The following MPDZ variants were observed in gnomAD, a reference collection of about 807,000 sequenced individuals.
MPDZ encodes multiple PDZ domain crumbs cell polarity complex component, also known as multiple PDZ domain protein.
Under a neutral mutation model 239.1 loss-of-function variants are expected in MPDZ, and 234 were observed. That is an observed-to-expected ratio of 0.98 (90% CI 0.88 to 1.09). The LOEUF is 1.09. MPDZ is among the 50% of genes least tolerant of loss of function. The pLI is 0.00. For missense variants in MPDZ, 3,175 were observed against 2,510.0 expected (o/e 1.26, Z -5.66); for synonymous variants, 1,048 against 881.3 (o/e 1.19, Z -3.35).
chr9:13,129,689 C>CA lies in MPDZ; in HGVS notation c.4465-2918dup, dbSNP rs541495487. ...ACACTACCATACAGGGAATAGAAAA[C>CA]AAATTAAGGAAATATATTTTTGTGG... On this transcript the variant is annotated intron_variant, in intron 32 of 46. Transcript: ENST00000319217. 1.1e-3 allele frequency among the ~76,000 whole-genome samples: 172 copies of CA among 151,958 alleles called. 1 individual carries two copies. Among genetic ancestry groups the CA allele is most frequent in the Non-Finnish European group, 1.9e-3 (129 of 67,972 alleles).
intron 1 of MPDZ, among the ~76,000 whole-genome samples, chr9:13,250,979 A>C (rs1334342073): frequency 6.6e-6 from 1 of 151,874 alleles, no homozygotes; most frequent in African/African-American, 2.4e-5. Context: ...AAATACAAAA[A>C]TTAGCTGGGT....
chr9:13,260,471 G>A (rs1268290791), intron 1 of MPDZ, among the ~76,000 whole-genome samples: 2 of 152,172 alleles, frequency 1.3e-5, no homozygotes, highest in Non-Finnish European at 1.5e-5. Flanking sequence ...TTCTAGAAAT[G>A]TCTGCCCTAA....
chr9:13,129,605 T>C (rs1945648381), intron 32 of MPDZ, among the ~76,000 whole-genome samples: 2 of 152,176 alleles, frequency 1.3e-5, no homozygotes, highest in Non-Finnish European at 2.9e-5. Flanking sequence ...TTTACCAGAG[T>C]GCATATAGTC....
chr9:13,186,138 G>A (rs1954062602), intron 18 of MPDZ, 132 bp downstream of exon 18: 1 of 448,722 alleles, frequency 2.2e-6, no homozygotes, highest in Admixed American at 4.3e-5. Context: ...AACTAAGTTG[G>A]AGAAAACATG....
intron 10 of MPDZ, among the ~76,000 whole-genome samples, chr9:13,207,894 G>T (rs181279587): frequency 1.4e-4 from 21 of 152,260 alleles, no homozygotes; most frequent in Non-Finnish European, 7.4e-5. Context: ...ACAACATGTT[G>T]TTTAATTCAT....
chr9:13,224,447 C>T lies in MPDZ; in HGVS notation c.320G>A (p.Gly107Glu), dbSNP rs1398749201. ...PNNGNLEALTGPGIPHINGKP... is the reference protein window; with the variant it reads ...PNNGNLEALTEPGIPHINGKP... Reference sequence around the variant, plus strand: ...CCCATTAATGTGTGGAATACCAGGTCCTGTAAGTGCTTCCAGATTCCCATT... The same window carrying T: ...CCCATTAATGTGTGGAATACCAGGTTCTGTAAGTGCTTCCAGATTCCCATT... The change falls in exon 4 of 47, where the codon GGA becomes GAA. Residue 107 changes from glycine to glutamate, a missense_variant. Transcript: ENST00000319217. The T allele has an allele frequency of 1.9e-6, 3 of 1,612,740 alleles. No individual in the cohort carries two copies. The African/African-American group carries it at 4.0e-5, about 22-fold the overall frequency.
At chr9:13,231,942 T>G (rs970741067) in intron 3 of MPDZ, among the ~76,000 whole-genome samples, 1 of 152,156 alleles carries the variant, frequency 6.6e-6, no homozygotes, top group African/African-American at 2.4e-5. Context: ...CACTTGAAAA[T>G]CGTTTAGTCT....
intron 5 of MPDZ, 79 bp from the exon 6 acceptor site, chr9:13,222,525 A>G (rs750624245): frequency 1.0e-4 from 120 of 1,142,876 alleles, no homozygotes; most frequent in Non-Finnish European, 1.5e-4. Flanking sequence ...ATGTATGTTC[A>G]AGTCATTTTT....
At chr9:13,198,699 T>G (rs1448723677) in intron 12 of MPDZ, among the ~76,000 whole-genome samples, 2 of 149,084 alleles carry the variant, frequency 1.3e-5, no homozygotes, top group Non-Finnish European at 3.0e-5. Context: ...TCCTAACGTT[T>G]CCTTCAGTTC....
At chr9:13,121,672 A>G (rs1036985202) in intron 38 of MPDZ, 67 bp downstream of exon 38, 8 of 1,532,552 alleles carry the variant, frequency 5.2e-6, no homozygotes, top group Non-Finnish European at 5.4e-6. Context: ...TACTGCTATT[A>G]CTCTTTAAAA....
rs542561338 is a variant in MPDZ at position 13,265,547 on chromosome 9, C to T, written c.-58+13853G>A. Among the ~76,000 whole-genome samples, 3 of 152,248 alleles carry T rather than the reference C, an allele frequency of 2.0e-5. No homozygotes were observed. The South Asian group carries it at 6.2e-4, about 32-fold the overall frequency. ...TTGCACCATTGCACTCCAGCCCAGG[C>T]AACAAGAGCGAAACTCCATCTCAAA... On this transcript the variant is annotated intron_variant, in intron 1 of 46. Transcript: ENST00000319217.
At chr9:13,272,071 G>A (rs1422918142) in intron 1 of MPDZ, among the ~76,000 whole-genome samples, 4 of 152,116 alleles carry the variant, frequency 2.6e-5, no homozygotes, top group Non-Finnish European at 5.9e-5. Flanking sequence ...GATTGTGGGG[G>A]ATAGCTTCAA....
chr9:13,265,013 T>C (rs563614568), intron 1 of MPDZ, among the ~76,000 whole-genome samples: 56 of 152,342 alleles, frequency 3.7e-4, no homozygotes, highest in African/African-American at 1.3e-3. Flanking sequence ...AGGGGGATTC[T>C]TCCAAGAGCT....
At chr9:13,239,906 T>G (rs1964968367) in intron 3 of MPDZ, among the ~76,000 whole-genome samples, 2 of 152,148 alleles carry the variant, frequency 1.3e-5, no homozygotes, top group South Asian at 4.1e-4. Flanking sequence ...GTCTTTTCTT[T>G]ATTTAAATCT....
intron 39 of MPDZ, among the ~76,000 whole-genome samples, chr9:13,118,316 G>C (rs527512454): frequency 1.3e-5 from 2 of 152,292 alleles, no homozygotes; most frequent in East Asian, 1.9e-4. Context: ...ATGTTTTAAA[G>C]ATTGAGAAAC....
chr9:13,183,401 T>C lies in MPDZ; in HGVS notation c.2649+17A>G. 6.3e-7 allele frequency: 1 copy of C among 1,575,822 alleles called. No homozygotes were observed. Among genetic ancestry groups the C allele is most frequent in the Non-Finnish European group, 8.6e-7 (1 of 1,165,694 alleles). On this transcript the variant is annotated intron_variant, in intron 19 of 46. Coordinates refer to ENST00000319217, the MANE Select transcript of MPDZ (RefSeq NM_001378778.1). The stretch of plus-strand genomic sequence containing the variant: ...CAAGACTTTCCTATAAAAGAAAAAT[T>C]GGCTTTTCCTTTGTACCTTAGGAGG...
chr9:13,152,527 C>T (rs1949311961), intron 24 of MPDZ, among the ~76,000 whole-genome samples: 1 of 152,030 alleles, frequency 6.6e-6, no homozygotes, highest in Non-Finnish European at 1.5e-5. Context: ...TGTCTTTCAC[C>T]TTCCACCATG....
chr9:13,260,698 C>T (rs1970491497), intron 1 of MPDZ, among the ~76,000 whole-genome samples: 1 of 152,124 alleles, frequency 6.6e-6, no homozygotes. Context: ...AAATCTGTCT[C>T]ACTGTCTATG....
At chr9:13,250,439 G>C (rs1967636957) in intron 1 of MPDZ, 67 bp from the exon 2 acceptor site, 1 of 802,612 alleles carries the variant, frequency 1.2e-6, no homozygotes, top group South Asian at 1.7e-5. Flanking sequence ...TATATACTCT[G>C]AAGAACACTT....
Sources: gnomAD v4.1 joint callset for allele counts (sites outside exome capture counted in the v4.1 genomes callset) on GRCh38, gnomAD v4.1.1 for gene constraint, MANE v1.5 for transcripts, NCBI Gene and HGNC (gene_info 2026-07-23, HGNC 2026-07-21) for gene names.